The following PID1 variants were observed in gnomAD, a reference collection of about 807,000 sequenced individuals.
PID1 encodes the protein phosphotyrosine interaction domain containing 1.
A neutral mutation model predicts 19.1 loss-of-function variants in PID1; 10 were observed. The ratio of observed to expected loss-of-function variants is 0.52; its 90% CI spans 0.32 to 0.89. PID1 has a LOEUF of 0.89. Ranked by LOEUF, PID1 falls within the 40% of genes least tolerant of loss-of-function variation. PID1 has a pLI of 0.03. For missense variants in PID1, 248 were observed against 285.3 expected, an observed-to-expected ratio of 0.87 and a Z score of 0.94; for synonymous variants, 130 against 116.0, an observed-to-expected ratio of 1.12 and a Z score of -0.78.
intron 2 of PID1, among the ~76,000 whole-genome samples, chr2:229,053,853 G>C (rs1185949652): frequency 6.6e-6 from 1 of 152,198 alleles, no homozygotes; most frequent in African/African-American, 2.4e-5. Flanking sequence ...AGTCAAGACA[G>C]AGTCATGACC....
intron 1 of PID1, among the ~76,000 whole-genome samples, chr2:229,210,674 A>C (rs1005786322): frequency 6.6e-6 from 1 of 152,002 alleles, no homozygotes; most frequent in African/African-American, 2.4e-5. Flanking sequence ...TTACGTGCAG[A>C]TATTTTATTG....
intron 2 of PID1, among the ~76,000 whole-genome samples, chr2:229,122,269 A>G (rs1448119946): frequency 1.3e-5 from 2 of 152,188 alleles, no homozygotes; most frequent in Non-Finnish European, 1.5e-5. Context: ...TTCAACAAAA[A>G]TGTATTATGT....
At position 229,113,443 on chromosome 2, in the gene PID1, CACACACAA is replaced by C. The variant is rs536531887; in HGVS notation, c.177+42367_177+42374del. Among the ~76,000 whole-genome samples, 123 of 90,960 alleles carry C rather than the reference CACACACAA, an allele frequency of 1.4e-3. 4 individuals carry two copies. In the South Asian group the frequency reaches 0.029, roughly 21 times the overall value. The allele number at this position is 90,960 out of a possible 152,430, so 59.7% of individuals were successfully genotyped here. ...ATATACACACACATACATATATATACACACACAAACACACACACACATAGATATGTGTG... is the reference window on the plus strand; with the variant it reads ...ATATACACACACATACATATATATACACACACACACACATAGATATGTGTG... On this transcript the variant is annotated intron_variant, in intron 2 of 2. Transcript: ENST00000392055.
intron 1 of PID1, among the ~76,000 whole-genome samples, chr2:229,212,075 C>A (rs1691748815): frequency 7.2e-6 from 1 of 138,488 alleles, no homozygotes; most frequent in African/African-American, 2.7e-5. Context: ...CAATTCCAGA[C>A]CTACTCAGTT....
chr2:229,080,293 C>T (rs934552522), intron 2 of PID1, among the ~76,000 whole-genome samples: 1 of 152,166 alleles, frequency 6.6e-6, no homozygotes, highest in Non-Finnish European at 1.5e-5. Flanking sequence ...TTCTACCTAC[C>T]TTTGTAGCCT....
chr2:229,055,811 A>G (rs1325367814), intron 2 of PID1, among the ~76,000 whole-genome samples: 1 of 152,228 alleles, frequency 6.6e-6, no homozygotes, highest in Non-Finnish European at 1.5e-5. Context: ...TGACTTCAAT[A>G]AAATAACTCA....
intron 2 of PID1, among the ~76,000 whole-genome samples, chr2:229,144,551 T>C (rs1264409009): frequency 1.3e-5 from 2 of 152,168 alleles, no homozygotes; most frequent in Admixed American, 6.6e-5. Context: ...GATGGGCCCT[T>C]TAGTTATCAC....
intron 1 of PID1, among the ~76,000 whole-genome samples, chr2:229,170,741 T>C (rs998618540): frequency 2.6e-5 from 4 of 152,208 alleles, no homozygotes; most frequent in African/African-American, 9.7e-5. Flanking sequence ...TTCATGACAG[T>C]CTTTGATGCA....
intron 2 of PID1, among the ~76,000 whole-genome samples, chr2:229,142,414 T>G (rs1218668578): frequency 2.0e-5 from 3 of 152,052 alleles, no homozygotes; most frequent in African/African-American, 7.2e-5. Flanking sequence ...TCTACTAAAT[T>G]GATCATAATG....
rs376688061 is a variant in PID1 at position 229,228,953 on chromosome 2, A to C, written c.30+42061T>G. On this transcript the variant is annotated intron_variant, in intron 1 of 2. Transcript: ENST00000392055. ...TTGGTTCTCTACCTGACCTGGTGTG[A>C]GAAATATACCTTATCTCAAAGAAAT... Among the ~76,000 whole-genome samples, 216 of 152,296 alleles carry C rather than the reference A, an allele frequency of 1.4e-3. 1 individual carries two copies. The highest frequency in any genetic ancestry group is 5.1e-3 in the African/African-American group (210 of 41,578).
chr2:229,190,799 C>A (rs1324825335), intron 1 of PID1, among the ~76,000 whole-genome samples: 1 of 151,858 alleles, frequency 6.6e-6, no homozygotes, highest in African/African-American at 2.4e-5. Context: ...TTGTTGTGGG[C>A]TGGGTTATTT....
At chr2:229,052,841 T>C (rs1441906565) in intron 2 of PID1, among the ~76,000 whole-genome samples, 2 of 152,172 alleles carry the variant, frequency 1.3e-5, no homozygotes, top group Non-Finnish European at 2.9e-5. Context: ...CAAGAATAAT[T>C]AACATAAGCA....
At chr2:229,056,414 A>G (rs1694101534) in intron 2 of PID1, among the ~76,000 whole-genome samples, 1 of 152,110 alleles carries the variant, frequency 6.6e-6, no homozygotes, top group African/African-American at 2.4e-5. Context: ...CTTGCCTTTG[A>G]TCTCTGAACG....
intron 2 of PID1, among the ~76,000 whole-genome samples, chr2:229,112,285 A>G (rs189707110): frequency 1.8e-4 from 28 of 152,304 alleles, no homozygotes; most frequent in Admixed American, 3.9e-4. Context: ...TTTTGATTCT[A>G]TTGGCTATTT....
intron 2 of PID1, among the ~76,000 whole-genome samples, chr2:229,027,924 A>G (rs1481519308): frequency 6.6e-6 from 1 of 152,176 alleles, no homozygotes; most frequent in East Asian, 1.9e-4. Flanking sequence ...TGAAGGGCCA[A>G]GGTCCAAGGA....
intron 2 of PID1, among the ~76,000 whole-genome samples, chr2:229,059,474 C>A (rs968961550): frequency 6.6e-6 from 1 of 152,172 alleles, no homozygotes; most frequent in African/African-American, 2.4e-5. Context: ...TCATTATCAA[C>A]TCCATTAAAC....
At chr2:229,260,040 C>T (rs1465101461) in intron 1 of PID1, among the ~76,000 whole-genome samples, 1 of 152,040 alleles carries the variant, frequency 6.6e-6, no homozygotes, top group Non-Finnish European at 1.5e-5. Flanking sequence ...TTACAGCAGC[C>T]CCCAAGCAGA....
At chr2:229,184,236 A>G (rs200430720) in intron 1 of PID1, among the ~76,000 whole-genome samples, 34 of 1,136 alleles carry the variant, frequency 0.03, 15 homozygotes, top group South Asian at 0.12. Context: ...TATCCCATGT[A>G]TATATATCCC....
At chr2:229,100,136 G>A (rs1263175021) in intron 2 of PID1, among the ~76,000 whole-genome samples, 3 of 152,162 alleles carry the variant, frequency 2.0e-5, no homozygotes, top group Non-Finnish European at 4.4e-5. Flanking sequence ...GGACCTGCCA[G>A]CACCTTGATC....
Sources: gnomAD v4.1 joint callset for allele counts (sites outside exome capture counted in the v4.1 genomes callset) on GRCh38, gnomAD v4.1.1 for gene constraint, MANE v1.5 for transcripts, NCBI Gene and HGNC (gene_info 2026-07-23, HGNC 2026-07-21) for gene names.